The following PKHD1 variants were observed in gnomAD, a reference collection of about 807,000 sequenced individuals.
PKHD1 encodes fibrocystin.
In PKHD1, 291 loss-of-function variants were observed where a neutral mutation model predicts 412.0. The observed-to-expected ratio is 0.71, with a 90% CI of 0.64 to 0.78. The LOEUF (loss-of-function observed/expected upper bound fraction) is 0.78. Among genes scored for constraint, PKHD1 ranks in the 30% least tolerant of loss-of-function variants. The pLI, the probability that PKHD1 is intolerant of heterozygous loss-of-function variation, is 0.00. For synonymous variants in PKHD1, 1,777 were observed against 1,821.5 expected, an observed-to-expected ratio of 0.98 and a Z score of 0.62; for missense variants, 4,825 against 4,950.7, an observed-to-expected ratio of 0.97 and a Z score of 0.76.
At chr6:51,672,478 C>G (rs1435652194) in intron 60 of PKHD1, among the ~76,000 whole-genome samples, 1 of 152,206 alleles carries the variant, frequency 6.6e-6, no homozygotes, top group East Asian at 1.9e-4. Flanking sequence ...TGTTTTGGAG[C>G]CTTGCAAGGG....
chr6:51,791,494 G>A, intron 52 of PKHD1, 121 bp from the exon 53 acceptor site: 1 of 828,890 alleles, frequency 1.2e-6, no homozygotes, highest in Non-Finnish European at 2.0e-6. Context: ...GACAGGTATA[G>A]CAACTGGAAG....
Position 52,048,483 on chromosome 6 carries a change from C to A in PKHD1, c.2407+9G>T. ...GTGAGAATTGTTGCAACCCCAATCA[C>A]CCCTTTACCAGAAATCACTGTATTA... On this transcript the variant is annotated intron_variant, in intron 23 of 66. Coordinates refer to ENST00000371117, the MANE Select transcript of PKHD1 (RefSeq NM_138694.4). 6.2e-7 allele frequency: 1 copy of A among 1,613,956 alleles called. No homozygotes were observed. Among genetic ancestry groups the A allele is most frequent in the Non-Finnish European group, 8.5e-7 (1 of 1,179,834 alleles).
intron 60 of PKHD1, among the ~76,000 whole-genome samples, chr6:51,702,169 T>G (rs146291123): frequency 2.1e-5 from 3 of 142,616 alleles, no homozygotes; most frequent in Non-Finnish European, 4.5e-5. Flanking sequence ...ATATATTATA[T>G]GTATAATATA....
intron 5 of PKHD1, among the ~76,000 whole-genome samples, chr6:52,077,367 C>A (rs564847554): frequency 6.6e-6 from 1 of 152,256 alleles, no homozygotes; most frequent in Non-Finnish European, 1.5e-5. Flanking sequence ...GACCTGTGAG[C>A]CAATTACTTA....
chr6:51,824,221 T>A (rs577287991), intron 52 of PKHD1, among the ~76,000 whole-genome samples: 2 of 152,112 alleles, frequency 1.3e-5, no homozygotes, highest in East Asian at 3.9e-4. Flanking sequence ...TATAAGTAAA[T>A]CCACCTCAAA....
chr6:51,828,906 T>C (rs955844676), intron 52 of PKHD1, among the ~76,000 whole-genome samples: 6 of 152,098 alleles, frequency 3.9e-5, no homozygotes, highest in South Asian at 2.1e-4. Context: ...ATGAATTCAA[T>C]CGCTCATCAA....
At chr6:52,017,231 G>A (rs564714852) in intron 34 of PKHD1, among the ~76,000 whole-genome samples, 179 bp downstream of exon 34, 8 of 152,352 alleles carry the variant, frequency 5.3e-5, no homozygotes, top group African/African-American at 1.7e-4. Flanking sequence ...GAAAAAGACA[G>A]GAGATGCTTT....
chr6:51,887,275 G>A (rs1296190990), intron 43 of PKHD1, 30 bp from the exon 44 acceptor site: 1 of 1,337,146 alleles, frequency 7.5e-7, no homozygotes, highest in South Asian at 1.2e-5. Context: ...TTAAAAAATA[G>A]TTACCCCATG....
intron 37 of PKHD1, among the ~76,000 whole-genome samples, chr6:51,931,249 T>C (rs1439057902): frequency 6.6e-6 from 1 of 152,214 alleles, no homozygotes; most frequent in African/African-American, 2.4e-5. Context: ...AAGGCTCTTC[T>C]GTGCGCCAAA....
At chr6:51,947,872 T>C (rs1461004772) in intron 36 of PKHD1, among the ~76,000 whole-genome samples, 2 of 152,110 alleles carry the variant, frequency 1.3e-5, no homozygotes, top group East Asian at 1.9e-4. Flanking sequence ...TGTCTCATAG[T>C]TTCTTAACTA....
At chr6:52,007,444 C>T (rs529906367) in intron 35 of PKHD1, among the ~76,000 whole-genome samples, 1 of 152,204 alleles carries the variant, frequency 6.6e-6, no homozygotes, top group South Asian at 2.1e-4. Context: ...GATAACCATG[C>T]ATCATAATAC....
intron 37 of PKHD1, among the ~76,000 whole-genome samples, chr6:51,923,052 G>C (rs918491526): frequency 6.6e-6 from 1 of 152,154 alleles, no homozygotes; most frequent in African/African-American, 2.4e-5. Flanking sequence ...GACTGGAGTT[G>C]TTCCTATTCA....
intron 60 of PKHD1, among the ~76,000 whole-genome samples, chr6:51,706,688 C>T (rs1780062919): frequency 6.6e-6 from 1 of 152,136 alleles, no homozygotes. Context: ...CCTACAGTCC[C>T]ATCCCAAGCC....
At chr6:51,816,558 G>A (rs1313459085) in intron 52 of PKHD1, among the ~76,000 whole-genome samples, 1 of 152,150 alleles carries the variant, frequency 6.6e-6, no homozygotes, top group Non-Finnish European at 1.5e-5. Context: ...TTTTAAGTCT[G>A]GCTTAAAGGC....
At chr6:52,020,525 C>G (rs1319064946) in intron 33 of PKHD1, among the ~76,000 whole-genome samples, 1 of 152,130 alleles carries the variant, frequency 6.6e-6, no homozygotes, top group Admixed American at 6.5e-5. Flanking sequence ...TCAGTAGGGC[C>G]CAAGAATTCA....
At chr6:51,640,046 A>G (rs1769137380) in intron 63 of PKHD1, among the ~76,000 whole-genome samples, 1 of 152,178 alleles carries the variant, frequency 6.6e-6, no homozygotes, top group South Asian at 2.1e-4. Context: ...ATAAGCCAAG[A>G]CTCAAATAAA....
At chr6:51,852,735 T>G (rs1319531727) in intron 49 of PKHD1, among the ~76,000 whole-genome samples, 4 of 151,650 alleles carry the variant, frequency 2.6e-5, no homozygotes, top group East Asian at 3.9e-4. Flanking sequence ...AAACCCTGTT[T>G]TTTTTTTTTT....
intron 35 of PKHD1, among the ~76,000 whole-genome samples, chr6:52,006,756 T>C (rs981707479): frequency 2.6e-5 from 4 of 152,190 alleles, no homozygotes; most frequent in African/African-American, 9.7e-5. Context: ...GTAAGTTCTT[T>C]AGTGGTGATT....
chr6:51,872,292 C>T (rs1776096302), intron 46 of PKHD1, among the ~76,000 whole-genome samples: 1 of 152,094 alleles, frequency 6.6e-6, no homozygotes, highest in Non-Finnish European at 1.5e-5. Context: ...AAAAGAGCCA[C>T]AGCAAAGTGC....
Sources: gnomAD v4.1 joint callset for allele counts (sites outside exome capture counted in the v4.1 genomes callset) on GRCh38, gnomAD v4.1.1 for gene constraint, MANE v1.5 for transcripts, NCBI Gene and HGNC (gene_info 2026-07-23, HGNC 2026-07-21) for gene names.